MYO5C: variants seen among roughly 807,000 people sequenced by gnomAD.
The protein encoded by MYO5C is myosin VC, also known as unconventional myosin-Vc.
Under a neutral mutation model 235.7 loss-of-function variants are expected in MYO5C, and 194 were observed. The ratio of observed to expected loss-of-function variants is 0.82; its 90% CI spans 0.73 to 0.93. The LOEUF (loss-of-function observed/expected upper bound fraction) is 0.93. MYO5C is among the 40% of genes least tolerant of loss of function. The pLI, the probability that MYO5C is intolerant of heterozygous loss-of-function variation, is 0.00. For missense variants in MYO5C, 2,038 were observed against 2,127.2 expected (o/e 0.96, Z 0.82); for synonymous variants, 707 against 754.8 (o/e 0.94, Z 1.04).
In MYO5C at chr15:52,247,380, C is replaced by A. The variant is rs993967524; in HGVS notation, c.1881+78G>T. On this transcript the variant is annotated intron_variant, in intron 15 of 40. Coordinates refer to ENST00000261839, the MANE Select transcript of MYO5C (RefSeq NM_018728.4). ...TCTGTCCATGTCCAGGCCTGGAATG[C>A]GGGTCCTCTGAGTGCCCTGGCTCCC... is the stretch of plus-strand genomic sequence containing the variant. The A allele has an allele frequency of 1.3e-5, 19 of 1,499,722 alleles. No individual in the cohort carries two copies. The Admixed American group carries it at 1.8e-4, about 14-fold the overall frequency. 92.9% of individuals were successfully genotyped at this position (1,499,722 alleles called of 1,614,324 possible). A position where few individuals can be genotyped will look rare whatever the true frequency, so the allele number is the denominator to read the frequency against.
chr15:52,238,204 C>A (rs2036132673), intron 21 of MYO5C, among the ~76,000 whole-genome samples: 1 of 152,162 alleles, frequency 6.6e-6, no homozygotes, highest in Admixed American at 6.5e-5. Flanking sequence ...GGACCTCCAG[C>A]CTCCAAAACT....
At chr15:52,276,418 A>G (rs1169681899) in intron 4 of MYO5C, among the ~76,000 whole-genome samples, 1 of 152,216 alleles carries the variant, frequency 6.6e-6, no homozygotes, top group Non-Finnish European at 1.5e-5. Flanking sequence ...CACATGTGAA[A>G]TGCTGGCTGC....
At chr15:52,269,034 G>A (rs569327833) in intron 8 of MYO5C, among the ~76,000 whole-genome samples, 58 of 152,226 alleles carry the variant, frequency 3.8e-4, no homozygotes, top group Admixed American at 1.5e-3. Flanking sequence ...ATGGTGCCCA[G>A]CACATTGCAA....
At chr15:52,228,500 T>A (rs770756108) in intron 25 of MYO5C, among the ~76,000 whole-genome samples, 3 of 152,230 alleles carry the variant, frequency 2.0e-5, no homozygotes, top group Non-Finnish European at 4.4e-5. Flanking sequence ...GATTTTTCCT[T>A]CTCAGCTTTA....
chr15:52,283,969 C>A (rs1438698312), intron 1 of MYO5C, among the ~76,000 whole-genome samples: 1 of 152,184 alleles, frequency 6.6e-6, no homozygotes, highest in Non-Finnish European at 1.5e-5. Context: ...GCCACCACGC[C>A]TGGCAGGATT....
At chr15:52,290,212 A>G (rs2037357494) in intron 1 of MYO5C, among the ~76,000 whole-genome samples, 2 of 152,026 alleles carry the variant, frequency 1.3e-5, no homozygotes, top group Non-Finnish European at 2.9e-5. Context: ...TCCATAAACA[A>G]CTTTTGAACA....
chr15:52,286,315 T>TGGGG (rs1164734278), intron 1 of MYO5C, among the ~76,000 whole-genome samples: 8 of 125,538 alleles, frequency 6.4e-5, no homozygotes, highest in Non-Finnish European at 1.7e-5. Flanking sequence ...GGGAGGGAGG[T>TGGGG]GGGGGGGGTC....
chr15:52,277,999 G>A (rs2037088560), intron 4 of MYO5C: 1 of 455,288 alleles, frequency 2.2e-6, no homozygotes, highest in Non-Finnish European at 4.4e-6. Flanking sequence ...GAGTCAGCAG[G>A]TCCAGGTCCT....
chr15:52,223,570 C>T lies in MYO5C; in HGVS notation c.3601G>A (p.Val1201Ile). The T allele has an allele frequency of 6.2e-7, 1 of 1,614,134 alleles. No homozygotes were observed. The highest frequency in any genetic ancestry group is 8.5e-7 in the Non-Finnish European group (1 of 1,179,982). ...NDINESIRHE[V>I]TRLTSENMMI... ...ATGTTCTCTGATGTTAGCCTGGTAA[C>T]TTCATGACGGATGCTTTCATTGATG... The change falls in exon 29 of 41, where the codon GTT becomes ATT. Residue 1201 changes from valine (V) to isoleucine (I), a missense_variant. Val to Ile is a conservative substitution (Grantham distance 29, BLOSUM62 3). Transcript: ENST00000261839.
chr15:52,272,814 T>C, intron 5 of MYO5C, 91 bp from the exon 6 acceptor site: 2 of 1,306,544 alleles, frequency 1.5e-6, no homozygotes, highest in Non-Finnish European at 2.1e-6. Flanking sequence ...GGCAATCCTG[T>C]ACCCTAGGGG....
intron 15 of MYO5C, 132 bp downstream of exon 15, chr15:52,247,326 G>A: frequency 9.1e-7 from 1 of 1,092,990 alleles, no homozygotes; most frequent in African/African-American, 1.6e-5. Context: ...TTGCAGTGGA[G>A]TCCATGTTAG....
At chr15:52,267,742 T>C (rs1322968066) in intron 8 of MYO5C, among the ~76,000 whole-genome samples, 1 of 152,208 alleles carries the variant, frequency 6.6e-6, no homozygotes, top group African/African-American at 2.4e-5. Flanking sequence ...AATTAGGATT[T>C]GAATTCACAT....
chr15:52,286,012 C>T (rs529565937), intron 1 of MYO5C, among the ~76,000 whole-genome samples: 87 of 152,150 alleles, frequency 5.7e-4, no homozygotes, highest in African/African-American at 2.1e-3. Flanking sequence ...AGCCGCCCAT[C>T]GTCTGAGATG....
intron 32 of MYO5C, among the ~76,000 whole-genome samples, chr15:52,215,289 C>T (rs913417395): frequency 7.2e-5 from 11 of 152,182 alleles, no homozygotes; most frequent in Non-Finnish European, 1.3e-4. Flanking sequence ...TTTTGCCTTT[C>T]TTTCCTGATA....
At chr15:52,277,364 C>T (rs1054414899) in intron 4 of MYO5C, among the ~76,000 whole-genome samples, 4 of 152,000 alleles carry the variant, frequency 2.6e-5, no homozygotes, top group Non-Finnish European at 4.4e-5. Flanking sequence ...CTAATCACCA[C>T]GATACCTGGG....
At chr15:52,261,878 G>C (rs116231279) in intron 9 of MYO5C, among the ~76,000 whole-genome samples, 1 of 152,110 alleles carries the variant, frequency 6.6e-6, no homozygotes, top group East Asian at 1.9e-4. Flanking sequence ...CTCCCCTGCC[G>C]GCACCATTCC....
At chr15:52,212,103 CTCTT>C (rs1386491657) in intron 34 of MYO5C, among the ~76,000 whole-genome samples, 9 of 152,236 alleles carry the variant, frequency 5.9e-5, no homozygotes, top group Admixed American at 2.6e-4. Flanking sequence ...AAAGGACTTT[CTCTT>C]TCTTAAAAGG....
At chr15:52,204,837 C>G in intron 38 of MYO5C, 28 bp downstream of exon 38, 1 of 1,607,046 alleles carries the variant, frequency 6.2e-7, no homozygotes, top group Non-Finnish European at 8.5e-7. Context: ...CAGGCCTCTC[C>G]GCGTGAGCGG....
In MYO5C at chr15:52,260,976, G is replaced by A. The variant is rs75932126; in HGVS notation, c.1199C>T (p.Ala400Val). 2,941 of 1,614,210 alleles carry A rather than the reference G, an allele frequency of 1.8e-3. 37 individuals carry two copies. In the African/African-American group the frequency reaches 0.03, roughly 17 times the overall value. ...TRPQAVNARD[A>V]LAKKIYAHLF... ...GTGAGCATAGATCTTTTTGGCCAGT[G>A]CATCCCTGGCGTTGACAGCCTGAGG... Residue 400 changes from alanine (A) to valine (V), a missense_variant, in exon 10 of 41, where the codon GCA becomes GTA. By Grantham distance (64) the Ala-to-Val change is moderately conservative (BLOSUM62 0). Coordinates refer to ENST00000261839, the MANE Select transcript of MYO5C (RefSeq NM_018728.4).
Sources: gnomAD v4.1 joint callset for allele counts (sites outside exome capture counted in the v4.1 genomes callset) on GRCh38, gnomAD v4.1.1 for gene constraint, MANE v1.5 for transcripts, NCBI Gene and HGNC (gene_info 2026-07-23, HGNC 2026-07-21) for gene names.